MTUS2: variants seen among roughly 807,000 people sequenced by gnomAD.
MTUS2 encodes the protein microtubule associated scaffold protein 2.
MTUS2 carries 40 observed loss-of-function variants against 114.1 expected under a neutral mutation model. That is an observed-to-expected ratio of 0.35 (90% CI 0.27 to 0.46). The LOEUF (loss-of-function observed/expected upper bound fraction) is 0.46, where lower values mean the gene tolerates loss of function less well. MTUS2 is among the 20% of genes least tolerant of loss of function. The probability of loss-of-function intolerance (pLI) is 1.00; values close to 1 mark genes in which losing one functional copy is unlikely to be tolerated. For synonymous variants in MTUS2, 688 were observed against 672.0 expected (o/e 1.02, Z -0.37); for missense variants, 1,679 against 1,705.4 (o/e 0.98, Z 0.27).
At chr13:29,327,618 C>A (rs1366219137) in intron 7 of MTUS2, among the ~76,000 whole-genome samples, 1 of 152,022 alleles carries the variant, frequency 6.6e-6, no homozygotes, top group East Asian at 1.9e-4. Flanking sequence ...TATTTATTTA[C>A]TTGTTGATGG....
chr13:29,452,580 G>A (rs1326279378), intron 9 of MTUS2, among the ~76,000 whole-genome samples: 38 of 49,370 alleles, frequency 7.7e-4, no homozygotes, highest in Non-Finnish European at 1.4e-3. Flanking sequence ...ATATATGTGT[G>A]TGTGTGTGTG....
intron 2 of MTUS2, among the ~76,000 whole-genome samples, chr13:28,964,461 C>T (rs545898339): frequency 2.6e-4 from 39 of 152,230 alleles, no homozygotes; most frequent in African/African-American, 8.4e-4. Context: ...TTAACACCAC[C>T]AGCAGCAACG....
At chr13:28,888,713 C>T (rs750625014) in intron 2 of MTUS2, among the ~76,000 whole-genome samples, 4 of 152,022 alleles carry the variant, frequency 2.6e-5, no homozygotes, top group Admixed American at 6.5e-5. Flanking sequence ...TGAGACACCG[C>T]GCTCGGCTCC....
At chr13:29,456,964 C>T (rs896345385) in intron 9 of MTUS2, among the ~76,000 whole-genome samples, 32 of 151,024 alleles carry the variant, frequency 2.1e-4, no homozygotes, top group African/African-American at 7.1e-4. Flanking sequence ...GGTGAAACCC[C>T]GTCTCTACTA....
chr13:28,882,048 T>A (rs1841834530), intron 2 of MTUS2, among the ~76,000 whole-genome samples: 1 of 152,182 alleles, frequency 6.6e-6, no homozygotes, highest in East Asian at 1.9e-4. Context: ...TCACACCATG[T>A]GTACAAAAAT....
chr13:29,290,127 A>G (rs1898645824), intron 6 of MTUS2, among the ~76,000 whole-genome samples: 1 of 152,184 alleles, frequency 6.6e-6, no homozygotes, highest in African/African-American at 2.4e-5. Flanking sequence ...GTGAAAACTG[A>G]AAAGCCCCTG....
intron 5 of MTUS2, among the ~76,000 whole-genome samples, chr13:29,103,621 G>T (rs1370619161): frequency 1.3e-5 from 2 of 152,120 alleles, no homozygotes; most frequent in African/African-American, 4.8e-5. Flanking sequence ...ATAAACCAGG[G>T]CTATCCTGGA....
At chr13:29,384,448 C>G (rs1872496924) in intron 8 of MTUS2, among the ~76,000 whole-genome samples, 1 of 152,212 alleles carries the variant, frequency 6.6e-6, no homozygotes, top group Admixed American at 6.5e-5. Flanking sequence ...CATTCATGAT[C>G]TGGATGCTGT....
At chr13:29,389,623 A>G (rs1481320354) in intron 8 of MTUS2, among the ~76,000 whole-genome samples, 1 of 45,512 alleles carries the variant, frequency 2.2e-5, no homozygotes, top group Non-Finnish European at 8.4e-5. Flanking sequence ...ATGTGTGTAT[A>G]TATGTATACA....
At chr13:29,123,848 T>TC (rs1337053647) in intron 5 of MTUS2, among the ~76,000 whole-genome samples, 2 of 152,152 alleles carry the variant, frequency 1.3e-5, no homozygotes, top group Non-Finnish European at 2.9e-5. Flanking sequence ...GGTGGTAGTG[T>TC]CCCCGGGCCT....
chr13:28,894,282 G>GT (rs1172021649), intron 2 of MTUS2, among the ~76,000 whole-genome samples: 2 of 38,544 alleles, frequency 5.2e-5, no homozygotes, highest in African/African-American at 4.1e-4. Context: ...GAGTTGGTGG[G>GT]GGGGGGGGAG....
chr13:29,326,227 G>A (rs1046048559), intron 7 of MTUS2, among the ~76,000 whole-genome samples: 2 of 152,146 alleles, frequency 1.3e-5, no homozygotes, highest in Admixed American at 1.3e-4. Flanking sequence ...AGGAACCTTT[G>A]ACCACAAGCC....
At chr13:29,284,558 A>G (rs549709668) in intron 6 of MTUS2, among the ~76,000 whole-genome samples, 3 of 152,322 alleles carry the variant, frequency 2.0e-5, no homozygotes, top group African/African-American at 7.2e-5. Context: ...AAAAGATAAT[A>G]TCTAAAACTC....
intron 2 of MTUS2, among the ~76,000 whole-genome samples, chr13:28,953,501 C>T (rs1199239347): frequency 1.3e-5 from 2 of 152,170 alleles, no homozygotes. Context: ...AAGAGTGAAA[C>T]TCTGTCTCAA....
intron 2 of MTUS2, among the ~76,000 whole-genome samples, chr13:28,962,033 TA>T (rs1168110596): frequency 6.6e-6 from 1 of 151,390 alleles, no homozygotes; most frequent in African/African-American, 2.4e-5. Context: ...TTTCTATACA[TA>T]TATATTTTAT....
At chr13:28,894,042 A>C (rs1470898127) in intron 2 of MTUS2, among the ~76,000 whole-genome samples, 1 of 151,806 alleles carries the variant, frequency 6.6e-6, no homozygotes, top group Non-Finnish European at 1.5e-5. Flanking sequence ...TTTGCTCTTC[A>C]GGGTCTGCCA....
chr13:29,257,244 C>T (rs1294165867), intron 5 of MTUS2, among the ~76,000 whole-genome samples: 3 of 152,184 alleles, frequency 2.0e-5, no homozygotes, highest in South Asian at 2.1e-4. Context: ...TGAAAACTTG[C>T]GGTGGCTTCG....
chr13:29,065,546 A>G (rs9506087), intron 4 of MTUS2, among the ~76,000 whole-genome samples: 58,295 of 151,994 alleles, frequency 0.38, 11,915 homozygotes, highest in East Asian at 0.63. Context: ...TGTCAGAGGC[A>G]TAGTTTTCAA....
chr13:29,320,801 G>A (rs1275017315), intron 6 of MTUS2, among the ~76,000 whole-genome samples: 1 of 152,166 alleles, frequency 6.6e-6, no homozygotes, highest in African/African-American at 2.4e-5. Flanking sequence ...TTTTGTAGTT[G>A]TCCCAACAAG....
Sources: allele counts gnomAD v4.1 joint callset (sites outside exome capture counted in the v4.1 genomes callset), GRCh38; gene constraint gnomAD v4.1.1; transcripts MANE v1.5; gene names NCBI Gene and HGNC (gene_info 2026-07-23, HGNC 2026-07-21).